FAT3: variants seen among roughly 807,000 people sequenced by gnomAD.
FAT3 encodes FAT atypical cadherin 3.
A neutral mutation model predicts 310.2 loss-of-function variants in FAT3; 95 were observed. The observed-to-expected ratio is 0.31, with a 90% CI of 0.26 to 0.36. FAT3 has a LOEUF of 0.36. Ranked by LOEUF, FAT3 falls within the 10% of genes least tolerant of loss-of-function variation. The pLI is 1.00. For missense variants in FAT3, 5,408 were observed against 5,715.6 expected, an observed-to-expected ratio of 0.95 and a Z score of 1.74; for synonymous variants, 2,314 against 2,192.9, an observed-to-expected ratio of 1.06 and a Z score of -1.54.
chr11:92,397,925 A>C (rs1319247789), intron 2 of FAT3, among the ~76,000 whole-genome samples: 4 of 152,132 alleles, frequency 2.6e-5, no homozygotes, highest in African/African-American at 9.7e-5. Flanking sequence ...ACAAATACAC[A>C]CATACATACA....
chr11:92,660,470 T>C (rs577140148), intron 3 of FAT3, among the ~76,000 whole-genome samples: 1 of 152,206 alleles, frequency 6.6e-6, no homozygotes, highest in South Asian at 2.1e-4. Context: ...AAAGGTCTTT[T>C]AAGGCTTAGA....
At position 92,432,214 on chromosome 11, in the gene FAT3, G is replaced by A. The variant is rs577925936; in HGVS notation, c.3292+76810G>A. ...AGTTCTCCTTGAAGAGGTCCTTCACGTCCCTTGTAAGTTGGATTCCTAGGT... is the reference window on the plus strand; with the variant it reads ...AGTTCTCCTTGAAGAGGTCCTTCACATCCCTTGTAAGTTGGATTCCTAGGT... On this transcript the variant is annotated intron_variant, in intron 2 of 27. Transcript: ENST00000525166. Among the ~76,000 whole-genome samples, 68 of 152,144 alleles carry A rather than the reference G, an allele frequency of 4.5e-4. 1 individual carries two copies. The South Asian group carries it at 5.2e-3, about 12-fold the overall frequency.
intron 2 of FAT3, among the ~76,000 whole-genome samples, chr11:92,399,860 C>T (rs1949970639): frequency 6.6e-6 from 1 of 152,182 alleles, no homozygotes; most frequent in Non-Finnish European, 1.5e-5. Flanking sequence ...TCCGTGTATT[C>T]ACCAGGGATC....
At chr11:92,577,884 G>GA (rs1236465380) in intron 3 of FAT3, among the ~76,000 whole-genome samples, 1 of 151,730 alleles carries the variant, frequency 6.6e-6, no homozygotes, top group Non-Finnish European at 1.5e-5. Flanking sequence ...TGCCTTGTGG[G>GA]AAAAAAGGGA....
At chr11:92,238,511 T>C (rs1047452217) in intron 1 of FAT3, among the ~76,000 whole-genome samples, 4 of 152,082 alleles carry the variant, frequency 2.6e-5, no homozygotes, top group Non-Finnish European at 4.4e-5. Context: ...GTTTTGTTTT[T>C]TGTTTTTGCT....
At chr11:92,456,712 GT>G (rs1565331014) in intron 2 of FAT3, among the ~76,000 whole-genome samples, 1 of 152,032 alleles carries the variant, frequency 6.6e-6, no homozygotes, top group African/African-American at 2.4e-5. Context: ...TTTGTACTTA[GT>G]AAATTATGAG....
In FAT3 at chr11:92,696,122, A is replaced by G. The variant is rs200823750; in HGVS notation, c.3608-1262A>G. 1.3e-3 allele frequency among the ~76,000 whole-genome samples: 59 copies of G among 46,382 alleles called. 1 individual carries two copies. The highest frequency in any genetic ancestry group is 3.1e-3 in the Admixed American group (15 of 4,836). The allele number at this position is 46,382 out of a possible 152,430, so 30.4% of individuals were successfully genotyped here. ...ATTTTTTACTATATATATATATACC[A>G]TGTGTATATATATATATACCTACAA... On this transcript the variant is annotated intron_variant, in intron 3 of 27. Transcript: ENST00000525166.
At chr11:92,722,609 C>G (rs1248661536) in intron 4 of FAT3, among the ~76,000 whole-genome samples, 1 of 152,222 alleles carries the variant, frequency 6.6e-6, no homozygotes. Context: ...CCTCACATTT[C>G]CCTTTCACAC....
At chr11:92,307,675 G>T (rs1450585929) in intron 1 of FAT3, among the ~76,000 whole-genome samples, 1 of 152,084 alleles carries the variant, frequency 6.6e-6, no homozygotes, top group Non-Finnish European at 1.5e-5. Context: ...GACCTCACAA[G>T]AAGAGGCAAA....
At chr11:92,271,305 T>G (rs146708170) in intron 1 of FAT3, among the ~76,000 whole-genome samples, 1 of 152,220 alleles carries the variant, frequency 6.6e-6, no homozygotes, top group Non-Finnish European at 1.5e-5. Context: ...GCCTTCCCTC[T>G]GGACCTTAAC....
chr11:92,237,699 C>G (rs548631770), intron 1 of FAT3, among the ~76,000 whole-genome samples: 142 of 152,220 alleles, frequency 9.3e-4, no homozygotes, highest in African/African-American at 3.3e-3. Flanking sequence ...ACTTTCTTGC[C>G]TCTTGAGCCC....
intron 2 of FAT3, among the ~76,000 whole-genome samples, chr11:92,522,574 A>G (rs577478): frequency 1.4e-4 from 22 of 152,154 alleles, no homozygotes; most frequent in Non-Finnish European, 2.5e-4. Flanking sequence ...CTCTCTAACA[A>G]TAAGTGCTAC....
intron 3 of FAT3, among the ~76,000 whole-genome samples, chr11:92,566,161 T>C (rs11493116): frequency 0.35 from 53,045 of 152,050 alleles, 10,100 homozygotes; most frequent in Non-Finnish European, 0.44. Context: ...CAAAATCTCC[T>C]TAAGCTGATA....
At chr11:92,817,598 C>T (rs1947856073) in intron 13 of FAT3, among the ~76,000 whole-genome samples, 2 of 152,194 alleles carry the variant, frequency 1.3e-5, no homozygotes, top group Admixed American at 6.5e-5. Flanking sequence ...TTGAACCCTG[C>T]ACTTTGCTCT....
chr11:92,865,556 T>C (rs1194964563), intron 21 of FAT3, among the ~76,000 whole-genome samples: 1 of 152,236 alleles, frequency 6.6e-6, no homozygotes, highest in Non-Finnish European at 1.5e-5. Context: ...TGCTGGGTCA[T>C]AGACATAGGC....
At chr11:92,528,640 C>T (rs1403089926) in intron 3 of FAT3, among the ~76,000 whole-genome samples, 1 of 151,146 alleles carries the variant, frequency 6.6e-6, no homozygotes, top group Non-Finnish European at 1.5e-5. Flanking sequence ...CCCGCCTTGG[C>T]CTCCCAAAGT....
intron 2 of FAT3, among the ~76,000 whole-genome samples, chr11:92,490,525 G>T (rs1311221008): frequency 6.6e-6 from 1 of 152,060 alleles, no homozygotes; most frequent in East Asian, 1.9e-4. Flanking sequence ...ATGCTGTAAA[G>T]TGGTGGGGTT....
intron 3 of FAT3, among the ~76,000 whole-genome samples, chr11:92,646,799 G>A (rs960309432): frequency 6.6e-6 from 1 of 152,164 alleles, no homozygotes; most frequent in African/African-American, 2.4e-5. Flanking sequence ...TGTCAACACT[G>A]ATAACATTTA....
intron 11 of FAT3, among the ~76,000 whole-genome samples, 196 bp downstream of exon 11, chr11:92,805,545 C>T (rs536721540): frequency 2.0e-5 from 3 of 147,600 alleles, no homozygotes; most frequent in Non-Finnish European, 4.5e-5. Context: ...AGATCAGATA[C>T]CTAATTTTGT....
Sources: allele counts gnomAD v4.1 joint callset (sites outside exome capture counted in the v4.1 genomes callset), GRCh38; gene constraint gnomAD v4.1.1; transcripts MANE v1.5; gene names NCBI Gene and HGNC (gene_info 2026-07-23, HGNC 2026-07-21).